The following PTPRT variants were observed in gnomAD, a reference collection of about 807,000 sequenced individuals.
PTPRT encodes receptor-type tyrosine-protein phosphatase T.
Under a neutral mutation model 176.8 loss-of-function variants are expected in PTPRT, and 56 were observed. The observed-to-expected ratio is 0.32, with a 90% CI of 0.26 to 0.40. The LOEUF is 0.40. Among genes scored for constraint, PTPRT ranks in the 10% least tolerant of loss-of-function variants. The pLI, the probability that PTPRT is intolerant of heterozygous loss-of-function variation, is 1.00. For synonymous variants in PTPRT, 783 were observed against 739.0 expected, an observed-to-expected ratio of 1.06 and a Z score of -0.96; for missense variants, 1,540 against 1,908.2, an observed-to-expected ratio of 0.81 and a Z score of 3.60.
At chr20:42,944,011 A>C (rs1480604744) in intron 1 of PTPRT, among the ~76,000 whole-genome samples, 1 of 151,952 alleles carries the variant, frequency 6.6e-6, no homozygotes, top group Non-Finnish European at 1.5e-5. Flanking sequence ...AGAGCGAGAC[A>C]CTGTATCAAA....
chr20:42,846,416 A>G (rs1405018383), intron 2 of PTPRT, among the ~76,000 whole-genome samples: 2 of 152,194 alleles, frequency 1.3e-5, no homozygotes, highest in East Asian at 1.9e-4. Context: ...AAAGCCATAC[A>G]TGGAAGGACT....
chr20:43,010,850 T>C (rs1985081297), intron 1 of PTPRT, among the ~76,000 whole-genome samples: 1 of 152,100 alleles, frequency 6.6e-6, no homozygotes, highest in Admixed American at 6.5e-5. Flanking sequence ...ATTCCTTTCT[T>C]CCTAAGAGAT....
chr20:42,195,236 G>T (rs1991167077), intron 16 of PTPRT, among the ~76,000 whole-genome samples: 1 of 152,186 alleles, frequency 6.6e-6, no homozygotes, highest in South Asian at 2.1e-4. Context: ...GGCCTACCTG[G>T]TCAATAATGA....
chr20:42,418,375 A>G (rs999191202), intron 9 of PTPRT, among the ~76,000 whole-genome samples: 5 of 152,212 alleles, frequency 3.3e-5, no homozygotes, highest in Non-Finnish European at 5.9e-5. Flanking sequence ...AGAACTGAGA[A>G]TGATGAGTCT....
intron 20 of PTPRT, 86 bp downstream of exon 20, chr20:42,119,849 G>C: frequency 8.2e-7 from 1 of 1,212,270 alleles, no homozygotes; most frequent in Admixed American, 2.2e-5. Context: ...TATAGGAGGA[G>C]AGGACAAGCC....
At chr20:42,227,940 C>T (rs2056055330) in intron 15 of PTPRT, among the ~76,000 whole-genome samples, 1 of 152,134 alleles carries the variant, frequency 6.6e-6, no homozygotes, top group Non-Finnish European at 1.5e-5. Flanking sequence ...CTGAGCAGCA[C>T]ATCACAGAGT....
chr20:42,143,557 A>C (rs1988725529), intron 17 of PTPRT, among the ~76,000 whole-genome samples: 1 of 101,040 alleles, frequency 9.9e-6, no homozygotes, highest in African/African-American at 3.7e-5. Flanking sequence ...ACTCTGTTTC[A>C]AAAAAAAAAA....
chr20:43,087,966 C>T (rs1038948085), intron 1 of PTPRT, among the ~76,000 whole-genome samples: 1 of 152,116 alleles, frequency 6.6e-6, no homozygotes, highest in Non-Finnish European at 1.5e-5. Context: ...AAGTTCTACT[C>T]CATACCACTG....
At chr20:42,109,572 A>G (rs1354702211) in intron 23 of PTPRT, among the ~76,000 whole-genome samples, 1 of 152,202 alleles carries the variant, frequency 6.6e-6, no homozygotes, top group Non-Finnish European at 1.5e-5. Context: ...TGAAAATAAT[A>G]TAGAAATGAA....
chr20:42,460,752 C>T (rs1293547524), intron 8 of PTPRT, among the ~76,000 whole-genome samples: 3 of 152,172 alleles, frequency 2.0e-5, no homozygotes, highest in African/African-American at 7.2e-5. Context: ...AAGAAAGTGC[C>T]TTGCTTCCCC....
chr20:42,186,931 C>T (rs1990805794), intron 16 of PTPRT, among the ~76,000 whole-genome samples: 1 of 152,086 alleles, frequency 6.6e-6, no homozygotes, highest in South Asian at 2.1e-4. Flanking sequence ...GAGAGAGGAA[C>T]GTGTCAAGAT....
intron 7 of PTPRT, among the ~76,000 whole-genome samples, chr20:42,582,557 AGT>A (rs1194285390): frequency 6.6e-6 from 1 of 152,206 alleles, no homozygotes; most frequent in Non-Finnish European, 1.5e-5. Context: ...GGGTTGAGCC[AGT>A]TCAGAGGGAG....
At chr20:42,640,555 AT>A (rs1249374086) in intron 7 of PTPRT, among the ~76,000 whole-genome samples, 9 of 151,846 alleles carry the variant, frequency 5.9e-5, no homozygotes, top group African/African-American at 1.5e-4. Flanking sequence ...TGCCCAGCTA[AT>A]TTTTTTATTT....
chr20:42,178,164 C>G (rs1990371843), intron 16 of PTPRT, among the ~76,000 whole-genome samples: 2 of 152,124 alleles, frequency 1.3e-5, no homozygotes, highest in African/African-American at 4.8e-5. Flanking sequence ...TCTCGAACTC[C>G]TGACCTTGTG....
chr20:42,890,198 C>T (rs191513126), intron 1 of PTPRT, among the ~76,000 whole-genome samples: 23 of 152,280 alleles, frequency 1.5e-4, no homozygotes, highest in African/African-American at 5.5e-4. Context: ...TGGGGCCCAA[C>T]GCAATGCAGT....
rs79882489 is a variant in PTPRT at position 42,948,374 on chromosome 20, G to A, written c.89-62442C>T. Among the ~76,000 whole-genome samples the A allele has an allele frequency of 1.4e-3, 212 of 152,206 alleles. 1 individual carries two copies. Among genetic ancestry groups the A allele is most frequent in the African/African-American group, 5.0e-3 (209 of 41,514 alleles). On this transcript the variant is annotated intron_variant, in intron 1 of 30. Transcript: ENST00000373187. ...TGGAGAACTACCCCTTCCCACTCCA[G>A]CCTGCCCCAGGTATGGGCACATATC...
intron 6 of PTPRT, among the ~76,000 whole-genome samples, chr20:42,738,147 C>A (rs1203291399): frequency 6.6e-6 from 1 of 152,154 alleles, no homozygotes; most frequent in Non-Finnish European, 1.5e-5. Flanking sequence ...CTGTGACTTG[C>A]TTTTGAGCCG....
chr20:42,545,165 T>C (rs550919446), intron 7 of PTPRT, among the ~76,000 whole-genome samples: 2 of 152,356 alleles, frequency 1.3e-5, no homozygotes, highest in African/African-American at 2.4e-5. Context: ...GTTAAGGTCA[T>C]ACCCTTATCT....
chr20:42,705,113 G>A (rs1375312879), intron 6 of PTPRT, among the ~76,000 whole-genome samples: 1 of 152,112 alleles, frequency 6.6e-6, no homozygotes, highest in African/African-American at 2.4e-5. Context: ...GCTGAGGCAG[G>A]AGAATCACTT....
Sources: allele counts gnomAD v4.1 joint callset (sites outside exome capture counted in the v4.1 genomes callset), GRCh38; gene constraint gnomAD v4.1.1; transcripts MANE v1.5; gene names NCBI Gene and HGNC (gene_info 2026-07-23, HGNC 2026-07-21).